The following KLF5 variants were observed in gnomAD, a reference collection of about 807,000 sequenced individuals.
The protein encoded by KLF5 is Krueppel-like factor 5.
A neutral mutation model predicts 36.9 loss-of-function variants in KLF5; 9 were observed. That is an observed-to-expected ratio of 0.24 (90% confidence interval 0.15 to 0.43). The LOEUF (loss-of-function observed/expected upper bound fraction) is 0.43, where lower values mean the gene tolerates loss of function less well. KLF5 is among the 20% of genes least tolerant of loss of function. The pLI, the probability that KLF5 is intolerant of heterozygous loss-of-function variation, is 1.00. For synonymous variants in KLF5, 246 were observed against 241.7 expected (o/e 1.02, Z -0.17); for missense variants, 524 against 599.5 (o/e 0.87, Z 1.31).
Position 73,062,088 on chromosome 13 carries a change from A to G in KLF5, c.489A>G (p.Thr163=). The G allele has an allele frequency of 2.5e-6, 4 of 1,614,158 alleles. No homozygotes were observed. Among genetic ancestry groups the G allele is most frequent in the Non-Finnish European group, 3.4e-6 (4 of 1,180,042 alleles). ...GACCGTGCGTAACACACATCAAGAC[A>G]GAACCTGTTGCCATTTTCAGCCACC... ...SQRPCVTHIK[T]EPVAIFSHQS... is the part of the protein sequence containing the mutation. Residue 163 remains threonine (T), a synonymous_variant, in exon 2 of 4, where the codon ACA becomes ACG. Transcript: ENST00000377687.
At chr13:73,056,057 T>C (rs949243260), upstream of KLF5, among the ~76,000 whole-genome samples, 1 of 152,002 alleles carries the variant, frequency 6.6e-6, no homozygotes. Context: ...AGAAGCTATT[T>C]ATCTATTTTT....
In KLF5 at chr13:73,076,158, G is replaced by T; in HGVS notation, c.*272G>T. 2.8e-4 allele frequency: 66 copies of T among 236,044 alleles called. No individual in the cohort carries two copies. The highest frequency in any genetic ancestry group is 3.8e-4 in the East Asian group (5 of 13,006). 14.6% of individuals were successfully genotyped at this position (236,044 alleles called of 1,614,324 possible). A position where few individuals can be genotyped will look rare whatever the true frequency, so the allele number is the denominator to read the frequency against. On this transcript the variant is annotated 3_prime_UTR_variant, in exon 4 of 4. Transcript: ENST00000377687. ...GACAGGCAGCCACGTCTCAACATGG[G>T]TAAGGGGTGGGGGTGGAGGGGAGTG...
chr13:73,059,046 G>A lies in KLF5; in HGVS notation c.-282G>A. 2 of 304,518 alleles carry A rather than the reference G, an allele frequency of 6.6e-6. No individual in the cohort carries two copies. The highest frequency in any genetic ancestry group is 1.2e-5 in the Non-Finnish European group (2 of 165,542). The allele number at this position is 304,518 out of a possible 1,614,324, so 18.9% of individuals were successfully genotyped here. The stretch of plus-strand genomic sequence containing the variant: ...CGTGCGCTCGCGGTTCTCTCGCGGA[G>A]GTCGGCGGTGGCGGGAGCGGGCTCC... On this transcript the variant is annotated 5_prime_UTR_variant, in exon 1 of 4. Coordinates refer to ENST00000377687, the MANE Select transcript of KLF5 (RefSeq NM_001730.5).
chr13:73,063,687 T>C, intron 2 of KLF5, 137 bp from the exon 3 acceptor site: 1 of 635,684 alleles, frequency 1.6e-6, no homozygotes, highest in Non-Finnish European at 2.7e-6. Flanking sequence ...CTTTAAAACT[T>C]TTAAAACTGA....
chr13:73,064,534 T>G (rs2044665239), intron 3 of KLF5, among the ~76,000 whole-genome samples: 1 of 152,194 alleles, frequency 6.6e-6, no homozygotes, highest in Non-Finnish European at 1.5e-5. Flanking sequence ...TGTATTTGCT[T>G]TGTTCAATCT....
intron 3 of KLF5, among the ~76,000 whole-genome samples, chr13:73,069,467 A>G (rs2044707046): frequency 6.6e-6 from 1 of 152,260 alleles, no homozygotes; most frequent in Non-Finnish European, 1.5e-5. Context: ...AGCCTTTAGT[A>G]TTAGATTTTA....
chr13:73,064,970 C>G (rs956402579), intron 3 of KLF5, among the ~76,000 whole-genome samples: 2 of 152,096 alleles, frequency 1.3e-5, no homozygotes, highest in African/African-American at 4.8e-5. Flanking sequence ...TTACTATTTG[C>G]GATTTTCTTA....
intron 1 of KLF5, among the ~76,000 whole-genome samples, chr13:73,060,021 C>A (rs2044621387): frequency 6.6e-6 from 1 of 151,728 alleles, no homozygotes; most frequent in Non-Finnish European, 1.5e-5. Flanking sequence ...AGTAGAAACG[C>A]AAATTGGGGT....
rs1396504578 is a variant in KLF5, at chr13:73,059,390, G to T, written c.63G>T (p.Pro21=). 5.6e-5 allele frequency: 78 copies of T among 1,403,008 alleles called. No individual in the cohort carries two copies. The highest frequency in any genetic ancestry group is 9.0e-5 in the African/African-American group (6 of 67,002). The allele number at this position is 1,403,008 out of a possible 1,614,324, so 86.9% of individuals were successfully genotyped here. The change falls in exon 1 of 4, where the codon CCG becomes CCT. Residue 21 remains proline, a synonymous_variant. Transcript: ENST00000377687. ...RLGPVPQPPA[P]QDEPVFAQLK... is the part of the protein sequence containing the mutation. ...GACCCGTGCCCCAGCCGCCGGCGCC[G>T]CAGGACGAGCCGGTGTTCGCGCAGC... is the stretch of plus-strand genomic sequence containing the variant.
At chr13:73,069,560 T>A (rs1472744147) in intron 3 of KLF5, among the ~76,000 whole-genome samples, 1 of 149,686 alleles carries the variant, frequency 6.7e-6, no homozygotes, top group Non-Finnish European at 1.5e-5. Context: ...TTTCAAACAA[T>A]TTTTTTTTAA....
chr13:73,076,126 A>T lies in KLF5; in HGVS notation c.*240A>T. ...ATATGGCTTTACTCAAGCAGATCTC[A>T]TCTCATGACAGGCAGCCACGTCTCA... On this transcript the variant is annotated 3_prime_UTR_variant, in exon 4 of 4. Coordinates refer to ENST00000377687, the MANE Select transcript of KLF5 (RefSeq NM_001730.5). 1 of 350,986 alleles carries T rather than the reference A, an allele frequency of 2.8e-6. No individual in the cohort carries two copies. Among genetic ancestry groups the T allele is most frequent in the Non-Finnish European group, 5.1e-6 (1 of 197,528 alleles). 21.7% of individuals were successfully genotyped at this position (350,986 alleles called of 1,614,324 possible).
intron 3 of KLF5, among the ~76,000 whole-genome samples, chr13:73,065,523 G>A (rs1274577867): frequency 6.6e-6 from 1 of 152,156 alleles, no homozygotes; most frequent in African/African-American, 2.4e-5. Context: ...GATTACATAA[G>A]AGGAAGGATC....
chr13:73,060,273 G>A (rs977005794), intron 1 of KLF5, among the ~76,000 whole-genome samples: 7 of 151,474 alleles, frequency 4.6e-5, no homozygotes, highest in Admixed American at 4.6e-4. Context: ...CCCAGCAGCC[G>A]AATTAGAGCA....
intron 3 of KLF5, among the ~76,000 whole-genome samples, chr13:73,073,762 C>CA (rs1290681918): frequency 1.3e-5 from 2 of 151,980 alleles, no homozygotes; most frequent in East Asian, 1.9e-4. Context: ...TAGTACTGTG[C>CA]AAAAATTTTT....
At position 73,059,538 on chromosome 13, in the gene KLF5, G is replaced by GCCCAGCCGC. The variant is rs901665303; in HGVS notation, c.214_222dup (p.Gln72_Pro74dup). On this transcript the variant is annotated inframe_insertion, in exon 1 of 4. Coordinates refer to ENST00000377687, the MANE Select transcript of KLF5 (RefSeq NM_001730.5). ...CGCGCCCGCGCAGGCCCCGCAGCCG[G>GCCCAGCCGC]CCCAGCCGCCCGCCACCGGCCCGCG... is the stretch of plus-strand genomic sequence containing the variant. The GCCCAGCCGC allele has an allele frequency of 1.7e-6, 2 of 1,182,966 alleles. No individual in the cohort carries two copies. The highest frequency in any genetic ancestry group is 2.1e-6 in the Non-Finnish European group (2 of 960,462). The allele number at this position is 1,182,966 out of a possible 1,614,324, so 73.3% of individuals were successfully genotyped here.
rs955309434 is a variant in KLF5 at position 73,062,334 on chromosome 13, G to A, written c.735G>A (p.Gln245=). The A allele has an allele frequency of 1.9e-6, 3 of 1,614,008 alleles. No individual in the cohort carries two copies. The highest frequency in any genetic ancestry group is 1.3e-5 in the African/African-American group (1 of 74,892). ...PDLDMPSSTN[Q]TAAMDTLNVS... is the part of the protein sequence containing the mutation. ...TAGATATGCCCAGTTCTACAAATCAGACAGCAGCAATGGACACTCTTAATG... is the reference window on the plus strand; with the variant it reads ...TAGATATGCCCAGTTCTACAAATCAAACAGCAGCAATGGACACTCTTAATG... The change falls in exon 2 of 4, where the codon CAG becomes CAA. Residue 245 remains glutamine (Q), a synonymous_variant. Coordinates refer to ENST00000377687, the MANE Select transcript of KLF5 (RefSeq NM_001730.5).
intron 1 of KLF5, among the ~76,000 whole-genome samples, chr13:73,061,030 A>G (rs2044631149): frequency 6.6e-6 from 1 of 152,134 alleles, no homozygotes; most frequent in African/African-American, 2.4e-5. Flanking sequence ...AGGACATGAT[A>G]AATGTTTTGC....
chr13:73,057,571 T>C (rs2044590602), upstream of KLF5, among the ~76,000 whole-genome samples: 1 of 152,218 alleles, frequency 6.6e-6, no homozygotes, highest in Non-Finnish European at 1.5e-5. Flanking sequence ...TTTTATATTT[T>C]CTAATAATAA....
rs568658280 is a variant in KLF5 at position 73,059,326 on chromosome 13, C to G, written c.-2C>G. The G allele has an allele frequency of 5.0e-6, 7 of 1,391,772 alleles. No individual in the cohort carries two copies. The Admixed American group carries it at 2.2e-4, about 43-fold the overall frequency. The allele number at this position is 1,391,772 out of a possible 1,614,324, so 86.2% of individuals were successfully genotyped here. On this transcript the variant is annotated 5_prime_UTR_variant, in exon 1 of 4. Coordinates refer to ENST00000377687, the MANE Select transcript of KLF5 (RefSeq NM_001730.5). ...CGCCTGGAGCTGCGCCCCCGAGTGC[C>G]CATGGCTACAAGGGTGCTGAGCATG...
Sources: allele counts gnomAD v4.1 joint callset (sites outside exome capture counted in the v4.1 genomes callset), GRCh38; gene constraint gnomAD v4.1.1; transcripts MANE v1.5; gene names NCBI Gene and HGNC (gene_info 2026-07-23, HGNC 2026-07-21).